Variants in CCNT1 observed in about 807,000 individuals in gnomAD.
CCNT1 encodes cyclin T1.
Under a neutral mutation model 67.3 loss-of-function variants are expected in CCNT1, and 18 were observed. The ratio of observed to expected loss-of-function variants is 0.27; its 90% CI spans 0.18 to 0.40. The LOEUF (loss-of-function observed/expected upper bound fraction) is 0.40, where lower values mean the gene tolerates loss of function less well. Among genes scored for constraint, CCNT1 ranks in the 10% least tolerant of loss-of-function variants. The pLI, the probability that CCNT1 is intolerant of heterozygous loss-of-function variation, is 1.00. For missense variants in CCNT1, 744 were observed against 884.9 expected, an observed-to-expected ratio of 0.84 and a Z score of 2.02; for synonymous variants, 333 against 310.3, an observed-to-expected ratio of 1.07 and a Z score of -0.77.
intron 8 of CCNT1, among the ~76,000 whole-genome samples, chr12:48,695,492 C>A (rs1474567170): frequency 2.6e-5 from 4 of 152,106 alleles, no homozygotes; most frequent in Non-Finnish European, 5.9e-5. Flanking sequence ...TTTTTCCCTA[C>A]CAGTTTCCAC....
chr12:48,715,170 A>G (rs74088154), intron 1 of CCNT1, among the ~76,000 whole-genome samples: 1 of 152,342 alleles, frequency 6.6e-6, no homozygotes, highest in East Asian at 1.9e-4. Flanking sequence ...ATGCACTGAA[A>G]TAGAATTTCG....
intron 2 of CCNT1, among the ~76,000 whole-genome samples, chr12:48,706,869 T>C (rs942838826): frequency 6.6e-6 from 1 of 152,206 alleles, no homozygotes; most frequent in Non-Finnish European, 1.5e-5. Context: ...CTCATAGTAT[T>C]GATTTCAGAC....
chr12:48,705,354 C>T (rs1384706136), intron 3 of CCNT1, among the ~76,000 whole-genome samples: 2 of 151,858 alleles, frequency 1.3e-5, no homozygotes, highest in African/African-American at 2.4e-5. Context: ...GAGCTTGTCT[C>T]GAACTGGACT....
rs61758364 is a variant in CCNT1, at chr12:48,693,488, G to T, written c.1726C>A (p.Pro576Thr). 339 of 1,614,184 alleles carry T rather than the reference G, an allele frequency of 2.1e-4. 2 individuals are homozygous for T. The East Asian group carries it at 6.3e-3, about 30-fold the overall frequency. The change falls in exon 9 of 9, where the codon CCC becomes ACC. Residue 576 changes from proline (P) to threonine (T), a missense_variant. Pro to Thr is a conservative substitution (Grantham distance 38). Coordinates refer to ENST00000261900, the MANE Select transcript of CCNT1 (RefSeq NM_001240.4). Reference sequence around the variant, plus strand: ...ACAGCCCCTCCAGTCTCTTCAGAGGGTCCCCTTTTACGAGTAGAACTGGAA... The same window carrying T: ...ACAGCCCCTCCAGTCTCTTCAGAGGTTCCCCTTTTACGAGTAGAACTGGAA... Reference protein sequence around the residue: ...SSSSSTRKRGPSEETGGAVFD... With the variant: ...SSSSSTRKRGTSEETGGAVFD...
chr12:48,709,895 ATT>A (rs202022157), intron 2 of CCNT1, among the ~76,000 whole-genome samples: 1 of 142,756 alleles, frequency 7.0e-6, no homozygotes. Context: ...GGGTTTCTTC[ATT>A]TTTTTTTTTT....
chr12:48,695,458 T>A (rs1009825899), intron 8 of CCNT1, among the ~76,000 whole-genome samples: 12 of 152,180 alleles, frequency 7.9e-5, no homozygotes, highest in African/African-American at 2.7e-4. Flanking sequence ...CAGAAGCCAA[T>A]ACTCTAACTC....
rs758820620 is a variant in CCNT1, at chr12:48,693,088, C to T, written c.2126G>A (p.Arg709Gln). ...SSRSGNTDKP[R>Q]PPPLPSEPPP... is the part of the protein sequence containing the mutation. Reference sequence around the variant, plus strand: ...AGGTTCTGATGGCAGAGGTGGTGGCCGGGGTTTGTCTGTATTGCCAGATCT... The same window carrying T: ...AGGTTCTGATGGCAGAGGTGGTGGCTGGGGTTTGTCTGTATTGCCAGATCT... The change falls in exon 9 of 9, where the codon CGG becomes CAG. Residue 709 changes from arginine (R) to glutamine (Q), a missense_variant. By Grantham distance (43) the Arg-to-Gln change is conservative. Coordinates refer to ENST00000261900, the MANE Select transcript of CCNT1 (RefSeq NM_001240.4). 9 of 1,613,336 alleles carry T rather than the reference C, an allele frequency of 5.6e-6. No homozygotes were observed. The highest frequency in any genetic ancestry group is 1.1e-5 in the South Asian group (1 of 91,028).
chr12:48,703,926 C>CAA (rs57899892), intron 3 of CCNT1, among the ~76,000 whole-genome samples: 9 of 98,790 alleles, frequency 9.1e-5, no homozygotes, highest in African/African-American at 2.3e-4. Context: ...ACCCTGTCTC[C>CAA]AAAAAAAAAA....
intron 4 of CCNT1, 86 bp from the exon 5 acceptor site, chr12:48,699,926 A>T: frequency 1.3e-6 from 1 of 786,350 alleles, no homozygotes; most frequent in South Asian, 1.7e-5. Flanking sequence ...ATTGTAAATT[A>T]CACCTTACTG....
intron 8 of CCNT1, among the ~76,000 whole-genome samples, chr12:48,694,725 G>C (rs894647811): frequency 6.6e-6 from 1 of 152,236 alleles, no homozygotes; most frequent in East Asian, 1.9e-4. Flanking sequence ...TATGATTATA[G>C]TTAGTCCATA....
intron 3 of CCNT1, 195 bp downstream of exon 3, chr12:48,705,573 G>T: frequency 1.8e-6 from 1 of 566,748 alleles, no homozygotes; most frequent in South Asian, 2.2e-5. Flanking sequence ...ACCATACCTG[G>T]CCTGATTTTC....
intron 3 of CCNT1, among the ~76,000 whole-genome samples, 153 bp from the exon 4 acceptor site, chr12:48,701,226 T>A (rs1940261905): frequency 7.8e-6 from 1 of 127,844 alleles, no homozygotes; most frequent in African/African-American, 2.8e-5. Context: ...TCTTTTTTTT[T>A]TTTTTTTTTT....
At chr12:48,704,312 C>T (rs1356735623) in intron 3 of CCNT1, among the ~76,000 whole-genome samples, 1 of 152,180 alleles carries the variant, frequency 6.6e-6, no homozygotes, top group Non-Finnish European at 1.5e-5. Flanking sequence ...GTATTTATAG[C>T]CTCTCCCCAC....
Position 48,692,583 on chromosome 12 carries a change from TA to T in CCNT1, c.*449del, listed in dbSNP as rs1940093226. On this transcript the variant is annotated 3_prime_UTR_variant, in exon 9 of 9. Coordinates refer to ENST00000261900, the MANE Select transcript of CCNT1 (RefSeq NM_001240.4). Reference sequence around the variant, plus strand: ...CAATTATATAAAAAAACTAAACAGATAACTTACTTTCTTTAAATTATTAAGT... The same window carrying T: ...CAATTATATAAAAAAACTAAACAGATACTTACTTTCTTTAAATTATTAAGT... 6.4e-6 allele frequency: 1 copy of T among 155,974 alleles called. No individual in the cohort carries two copies. Among genetic ancestry groups the T allele is most frequent in the Non-Finnish European group, 1.4e-5 (1 of 70,688 alleles). 9.7% of individuals were successfully genotyped at this position (155,974 alleles called of 1,614,324 possible).
chr12:48,709,915 G>A (rs912168508), intron 2 of CCNT1, among the ~76,000 whole-genome samples: 6 of 149,084 alleles, frequency 4.0e-5, no homozygotes, highest in African/African-American at 1.5e-4. Flanking sequence ...TTTTGAGATG[G>A]AGTCTCACTC....
In CCNT1 at chr12:48,693,743, C is replaced by T. The variant is rs1940121360; in HGVS notation, c.1471G>A (p.Asp491Asn). The change falls in exon 9 of 9, where the codon GAT becomes AAT. Residue 491 changes from aspartate to asparagine, a missense_variant. This residue lies in a region of CCNT1 where 564 missense variants were observed against 574.2 expected (regional missense o/e 0.98). Coordinates refer to ENST00000261900, the MANE Select transcript of CCNT1 (RefSeq NM_001240.4). ...CTGTCCTCTACAGAATTGTGCTTATCAGCTGCAGCATGGACTTTTATGCGC... is the reference window on the plus strand; with the variant it reads ...CTGTCCTCTACAGAATTGTGCTTATTAGCTGCAGCATGGACTTTTATGCGC... ...KMRIKVHAAADKHNSVEDSVT... is the reference protein window; with the variant it reads ...KMRIKVHAAANKHNSVEDSVT... The T allele has an allele frequency of 6.2e-7, 1 of 1,614,132 alleles. No individual in the cohort carries two copies. The highest frequency in any genetic ancestry group is 1.3e-5 in the African/African-American group (1 of 75,040).
intron 3 of CCNT1, among the ~76,000 whole-genome samples, chr12:48,704,444 T>C (rs1331039638): frequency 6.6e-6 from 1 of 152,168 alleles, no homozygotes; most frequent in Non-Finnish European, 1.5e-5. Flanking sequence ...CTGCTCTTTA[T>C]GAGAATCTAA....
In CCNT1 at chr12:48,708,249, T is replaced by A. The variant is rs546596189; in HGVS notation, c.244-2353A>T. On this transcript the variant is annotated intron_variant, in intron 2 of 8. Transcript: ENST00000261900. ...TTTTAAAATATAGAAAAAAGAATTTTAAAAAGTTTAGAGTAGGCCGGGCGT... is the reference window on the plus strand; with the variant it reads ...TTTTAAAATATAGAAAAAAGAATTTAAAAAAGTTTAGAGTAGGCCGGGCGT... 1.1e-4 allele frequency among the ~76,000 whole-genome samples: 16 copies of A among 151,480 alleles called. No individual in the cohort carries two copies. In the East Asian group the frequency reaches 3.0e-3, roughly 28 times the overall value.
intron 1 of CCNT1, among the ~76,000 whole-genome samples, chr12:48,715,463 T>A (rs1036881098): frequency 1.4e-4 from 22 of 152,068 alleles, no homozygotes; most frequent in Admixed American, 1.3e-3. Context: ...ATTTTTTTTT[T>A]AATTTTTTTT....
Sources: allele counts gnomAD v4.1 joint callset (sites outside exome capture counted in the v4.1 genomes callset), GRCh38; gene constraint gnomAD v4.1.1; regional missense constraint gnomAD v4.1.1; transcripts MANE v1.5; gene names NCBI Gene and HGNC (gene_info 2026-07-23, HGNC 2026-07-21).